The following EFCAB8 variants were observed in gnomAD, a reference collection of about 807,000 sequenced individuals.
EFCAB8 encodes EF-hand calcium-binding domain-containing protein 8.
Under a neutral mutation model 116.3 loss-of-function variants are expected in EFCAB8, and 100 were observed. The observed-to-expected ratio is 0.86, with a 90% CI of 0.73 to 1.02. The LOEUF (loss-of-function observed/expected upper bound fraction) is 1.02. Ranked by LOEUF, EFCAB8 falls within the 50% of genes least tolerant of loss-of-function variation. The probability of loss-of-function intolerance (pLI) is 0.00; values close to 1 mark genes in which losing one functional copy is unlikely to be tolerated. For missense variants in EFCAB8, 1,320 were observed against 1,416.9 expected, an observed-to-expected ratio of 0.93 and a Z score of 1.10; for synonymous variants, 558 against 567.9, an observed-to-expected ratio of 0.98 and a Z score of 0.25.
At chr20:32,878,148 C>T (rs1322124692) in intron 4 of EFCAB8, among the ~76,000 whole-genome samples, 1 of 152,084 alleles carries the variant, frequency 6.6e-6, no homozygotes, top group South Asian at 2.1e-4. Context: ...CATTTGTGGT[C>T]CCAGCTACTC....
intron 9 of EFCAB8, among the ~76,000 whole-genome samples, chr20:32,894,614 G>T (rs1246845364): frequency 1.3e-5 from 2 of 152,232 alleles, no homozygotes; most frequent in Non-Finnish European, 2.9e-5. Context: ...GGACTTGGGA[G>T]GAGATGGACA....
chr20:32,883,638 CTG>C (rs1985454654), intron 5 of EFCAB8, among the ~76,000 whole-genome samples: 1 of 152,130 alleles, frequency 6.6e-6, no homozygotes. Flanking sequence ...AAATACATAA[CTG>C]TACATTTTGG....
intron 10 of EFCAB8, 85 bp from the exon 11 acceptor site, chr20:32,898,408 T>G: frequency 1.5e-6 from 1 of 668,128 alleles, no homozygotes; most frequent in Non-Finnish European, 2.8e-6. Flanking sequence ...GCACCTCCAG[T>G]CCCAGCACCT....
At chr20:32,896,599 A>G (rs1406189639) in intron 10 of EFCAB8, 72 bp downstream of exon 10, 4 of 704,696 alleles carry the variant, frequency 5.7e-6, no homozygotes, top group Non-Finnish European at 1.1e-5. Context: ...AAATAAATGC[A>G]AAAAGTGGAT....
chr20:32,882,717 A>G (rs1421792503), intron 5 of EFCAB8, among the ~76,000 whole-genome samples: 1 of 149,892 alleles, frequency 6.7e-6, no homozygotes, highest in Admixed American at 6.7e-5. Flanking sequence ...TTGTTTTGAG[A>G]CAGAGCCTTG....
chr20:32,920,346 T>G (rs17371144), intron 20 of EFCAB8, 131 bp downstream of exon 20: 232,943 of 1,272,058 alleles, frequency 0.18, 23,718 homozygotes, highest in Non-Finnish European at 0.2. Flanking sequence ...GGAAGGCATC[T>G]TGGAGAGGAT....
chr20:32,948,204 C>A lies in EFCAB8; in HGVS notation c.2959+4400C>A, dbSNP rs915803786. On this transcript the variant is annotated intron_variant, in intron 23 of 26. Transcript: ENST00000400522. ...AAGGATAACAATGAAATACTATAAA[C>A]AACTTTATACAATAAATTTGGCAAC... Among the ~76,000 whole-genome samples the A allele has an allele frequency of 2.0e-5, 3 of 152,042 alleles. No homozygotes were observed. In the East Asian group the frequency reaches 5.8e-4, roughly 29 times the overall value.
intron 13 of EFCAB8, among the ~76,000 whole-genome samples, chr20:32,908,061 C>T (rs1252864468): frequency 2.0e-5 from 3 of 152,190 alleles, no homozygotes; most frequent in Non-Finnish European, 2.9e-5. Context: ...GAGCTGTGCC[C>T]GGCCCTCACT....
At chr20:32,890,257 C>T (rs891912894) in intron 7 of EFCAB8, among the ~76,000 whole-genome samples, 2 of 152,116 alleles carry the variant, frequency 1.3e-5, no homozygotes, top group Non-Finnish European at 2.9e-5. Flanking sequence ...TGGCCTGGGT[C>T]TCTGTGCTCT....
At chr20:32,898,010 G>A (rs968471865) in intron 10 of EFCAB8, among the ~76,000 whole-genome samples, 39 of 152,180 alleles carry the variant, frequency 2.6e-4, no homozygotes, top group African/African-American at 7.2e-4. Flanking sequence ...TCGACTGCGC[G>A]TCATCTTTTG....
In EFCAB8 at chr20:32,889,403, A is replaced by G. The variant is rs1378113365; in HGVS notation, c.670A>G (p.Ile224Val). Reference sequence around the variant, plus strand: ...TGCAGTTGCGTCTACCAGGCAAAAGATAGGTGAGTCCCTGGGGGCTTCCCA... The same window carrying G: ...TGCAGTTGCGTCTACCAGGCAAAAGGTAGGTGAGTCCCTGGGGGCTTCCCA... The part of the protein sequence containing the change: ...LVAVASTRQK[I>V]DFFDISDHKC... Residue 224 changes from isoleucine (I) to valine (V), a missense_variant, in exon 7 of 27, where the codon ATA (isoleucine) becomes GTA (valine). Coordinates refer to ENST00000400522, the MANE Select transcript of EFCAB8 (RefSeq NM_001143967.2). 1.3e-6 allele frequency: 2 copies of G among 1,551,760 alleles called. No homozygotes were observed. Among genetic ancestry groups the G allele is most frequent in the East Asian group, 2.4e-5 (1 of 40,916 alleles).
intron 17 of EFCAB8, chr20:32,917,030 C>G (rs1167632617): frequency 4.8e-6 from 2 of 417,806 alleles, no homozygotes. Flanking sequence ...AACCTTAATC[C>G]TTACCTAGGT....
chr20:32,949,827 C>T (rs1988741741), intron 23 of EFCAB8, among the ~76,000 whole-genome samples: 1 of 152,190 alleles, frequency 6.6e-6, no homozygotes, highest in Non-Finnish European at 1.5e-5. Context: ...GGCAAAACCC[C>T]ATCTCTGCTA....
chr20:32,864,885 ATTACAGT>A (rs1372215391), intron 2 of EFCAB8, among the ~76,000 whole-genome samples: 1 of 152,224 alleles, frequency 6.6e-6, no homozygotes, highest in Admixed American at 6.5e-5. Flanking sequence ...TTATTGTGTA[ATTACAGT>A]TTACTGGGGC....
chr20:32,949,741 G>A (rs775621401), intron 23 of EFCAB8, among the ~76,000 whole-genome samples: 2 of 152,212 alleles, frequency 1.3e-5, no homozygotes, highest in East Asian at 1.9e-4. Context: ...GTTCACACCC[G>A]TAATCCAAGC....
At chr20:32,875,502 G>GTT (rs57620114) in intron 3 of EFCAB8, among the ~76,000 whole-genome samples, 24 of 89,892 alleles carry the variant, frequency 2.7e-4, no homozygotes, top group South Asian at 1.1e-3. Context: ...AAACATGGTG[G>GTT]TTTTTTTTTT....
chr20:32,883,516 A>G (rs9967934), intron 5 of EFCAB8, among the ~76,000 whole-genome samples: 128 of 152,312 alleles, frequency 8.4e-4, no homozygotes, highest in African/African-American at 2.8e-3. Flanking sequence ...ATGGCGATTT[A>G]CATACCTCTG....
chr20:32,900,159 C>T (rs1402751952), intron 11 of EFCAB8, among the ~76,000 whole-genome samples: 1 of 152,000 alleles, frequency 6.6e-6, no homozygotes, highest in East Asian at 1.9e-4. Flanking sequence ...AAACAGAGGG[C>T]CATTTAGACC....
chr20:32,885,418 T>G lies in EFCAB8; in HGVS notation c.432-87T>G. 2.6e-6 allele frequency: 4 copies of G among 1,514,240 alleles called. No individual in the cohort carries two copies. In the South Asian group the frequency reaches 5.1e-5, roughly 19 times the overall value. 93.8% of individuals were successfully genotyped at this position (1,514,240 alleles called of 1,614,324 possible). ...ACGCTCCGCCGGCTTTTGTCCCTCC[T>G]CCTCGGTGGCTCTCTGTTCTGCCGC... On this transcript the variant is annotated intron_variant, in intron 5 of 26. Transcript: ENST00000400522.
Sources: allele counts gnomAD v4.1 joint callset (sites outside exome capture counted in the v4.1 genomes callset), GRCh38; gene constraint gnomAD v4.1.1; transcripts MANE v1.5; gene names NCBI Gene and HGNC (gene_info 2026-07-23, HGNC 2026-07-21).